ZFHX4: variants seen among roughly 807,000 people sequenced by gnomAD.
ZFHX4 encodes the protein zinc finger homeobox 4.
ZFHX4 carries 56 observed loss-of-function variants against 267.6 expected under a neutral mutation model. That is an observed-to-expected ratio of 0.21 (90% CI 0.17 to 0.26). The LOEUF is 0.26. ZFHX4 is among the 10% of genes least tolerant of loss of function. The pLI is 1.00. For synonymous variants in ZFHX4, 1,778 were observed against 1,665.6 expected, an observed-to-expected ratio of 1.07 and a Z score of -1.64; for missense variants, 4,332 against 4,420.0, an observed-to-expected ratio of 0.98 and a Z score of 0.56.
chr8:76,804,692 AAATT>A (rs1811202606), intron 4 of ZFHX4, among the ~76,000 whole-genome samples: 2 of 151,746 alleles, frequency 1.3e-5, no homozygotes, highest in Admixed American at 6.6e-5. Context: ...TGGAAGAGAG[AAATT>A]AATTAATTAT....
chr8:76,855,419 T>C lies in ZFHX4; in HGVS notation c.8498T>C (p.Val2833Ala), dbSNP rs1211667506. ...MESTTGSSGD[V>A]KPALSPKEPK... Reference sequence around the variant, plus strand: ...AGCACCACAGGAAGTTCCGGAGATGTGAAACCGGCTTTGTCTCCCAAAGAG... The same window carrying C: ...AGCACCACAGGAAGTTCCGGAGATGCGAAACCGGCTTTGTCTCCCAAAGAG... Residue 2833 changes from valine (V) to alanine (A), a missense_variant, in exon 10 of 11, where the codon GTG (valine) becomes GCG (alanine). Around this residue, in one of 7 missense-constraint regions of ZFHX4, gnomAD observed 1,648 missense variants for 1,625.0 expected, o/e 1.01. Coordinates refer to ENST00000651372, the MANE Select transcript of ZFHX4 (RefSeq NM_024721.5). 1 of 1,613,148 alleles carries C rather than the reference T, an allele frequency of 6.2e-7. No individual in the cohort carries two copies. The highest frequency in any genetic ancestry group is 1.7e-5 in the Admixed American group (1 of 59,888).
chr8:76,831,823 C>T (rs537667563), intron 4 of ZFHX4, among the ~76,000 whole-genome samples: 5 of 152,084 alleles, frequency 3.3e-5, no homozygotes, highest in East Asian at 1.9e-4. Flanking sequence ...AAAAGAACCA[C>T]GTTAATCAAG....
At chr8:76,803,279 T>C (rs1369683397) in intron 4 of ZFHX4, among the ~76,000 whole-genome samples, 1 of 151,936 alleles carries the variant, frequency 6.6e-6, no homozygotes, top group Non-Finnish European at 1.5e-5. Context: ...TGTGTGTGTG[T>C]GTGTGGTATG....
chr8:76,854,612 G>C lies in ZFHX4; in HGVS notation c.7691G>C (p.Ser2564Thr), dbSNP rs775197686. 4 of 1,613,720 alleles carry C rather than the reference G, an allele frequency of 2.5e-6. No homozygotes were observed. In the Admixed American group the frequency reaches 5.0e-5, roughly 20 times the overall value. ...SSLTQMPPQASSSHTTAPTTV... is the reference protein window; with the variant it reads ...SSLTQMPPQATSSHTTAPTTV... ...CTCACTCAAATGCCCCCTCAGGCCA[G>C]TTCCTCCCACACCACAGCCCCCACA... The change falls in exon 10 of 11, where the codon AGT becomes ACT. Residue 2564 changes from serine (S) to threonine (T), a missense_variant. Ser to Thr is a moderately conservative substitution (Grantham distance 58). Coordinates refer to ENST00000651372, the MANE Select transcript of ZFHX4 (RefSeq NM_024721.5).
rs1812565559 is a variant in ZFHX4, at chr8:76,852,618, A to G, written c.5697A>G (p.Arg1899=). Residue 1899 remains arginine (R), a synonymous_variant, in exon 10 of 11, where the codon CGA becomes CGG. Coordinates refer to ENST00000651372, the MANE Select transcript of ZFHX4 (RefSeq NM_024721.5). ...TGGAACCATCCATCCCACCACCCCG[A>G]ATAGCTTCAGGGGCCAGAGGAAATG... The part of the protein sequence containing the change: ...KSLEPSIPPP[R]IASGARGNAA... 2.5e-6 allele frequency: 4 copies of G among 1,612,670 alleles called. No individual in the cohort carries two copies. In the African/African-American group the frequency reaches 5.3e-5, roughly 22 times the overall value.
chr8:76,756,230 A>G (rs920971231), intron 3 of ZFHX4, among the ~76,000 whole-genome samples: 11 of 152,148 alleles, frequency 7.2e-5, no homozygotes, highest in African/African-American at 2.4e-4. Context: ...ATCCAAGAGA[A>G]ATTAATTGTT....
chr8:76,790,167 T>C (rs1810797240), intron 4 of ZFHX4, among the ~76,000 whole-genome samples: 1 of 152,164 alleles, frequency 6.6e-6, no homozygotes, highest in Non-Finnish European at 1.5e-5. Flanking sequence ...CACTTTCCTA[T>C]ATACATGGTC....
chr8:76,761,914 G>C (rs548442374), intron 3 of ZFHX4, among the ~76,000 whole-genome samples: 25 of 152,302 alleles, frequency 1.6e-4, no homozygotes, highest in Admixed American at 3.3e-4. Flanking sequence ...GGGTTGTCTT[G>C]TTTGGGCTGC....
intron 10 of ZFHX4, among the ~76,000 whole-genome samples, chr8:76,862,893 A>G (rs1312297374): frequency 6.6e-6 from 1 of 152,162 alleles, no homozygotes; most frequent in African/African-American, 2.4e-5. Context: ...GTGGGGGTTA[A>G]AACTAATATA....
intron 4 of ZFHX4, among the ~76,000 whole-genome samples, chr8:76,809,600 C>T (rs1445575215): frequency 1.3e-5 from 2 of 152,046 alleles, no homozygotes; most frequent in African/African-American, 2.4e-5. Context: ...ACTGTAGAAC[C>T]ATTATCAGTA....
intron 3 of ZFHX4, among the ~76,000 whole-genome samples, chr8:76,742,958 G>C (rs1809359820): frequency 1.5e-5 from 2 of 131,510 alleles, no homozygotes; most frequent in South Asian, 4.3e-4. Context: ...AGCTCAGCTT[G>C]TGAGAAAACA....
At chr8:76,718,964 CACACAT>C (rs1229824608) in intron 3 of ZFHX4, among the ~76,000 whole-genome samples, 3 of 151,412 alleles carry the variant, frequency 2.0e-5, no homozygotes, top group Admixed American at 6.6e-5. Context: ...CACACACACA[CACACAT>C]GCTTTTCCAA....
At chr8:76,713,270 G>GAGATAGAA (rs1444097906) in intron 3 of ZFHX4, among the ~76,000 whole-genome samples, 2 of 130,778 alleles carry the variant, frequency 1.5e-5, no homozygotes, top group African/African-American at 6.5e-5. Flanking sequence ...AAAGGATAGA[G>GAGATAGAA]AGATAGATAG....
intron 4 of ZFHX4, among the ~76,000 whole-genome samples, chr8:76,806,552 G>C (rs1811250501): frequency 6.6e-6 from 1 of 152,168 alleles, no homozygotes; most frequent in Admixed American, 6.6e-5. Context: ...CATTAGTTAG[G>C]TCCAATGAAC....
At chr8:76,803,285 G>C (rs930208024) in intron 4 of ZFHX4, among the ~76,000 whole-genome samples, 7 of 151,084 alleles carry the variant, frequency 4.6e-5, no homozygotes, top group Admixed American at 2.0e-4. Flanking sequence ...TGTGTGTGTG[G>C]TATGACCGAA....
chr8:76,850,307 A>G lies in ZFHX4; in HGVS notation c.3909A>G (p.Lys1303=), dbSNP rs1431489483. Residue 1303 remains lysine, a synonymous_variant, in exon 9 of 11, where the codon AAA becomes AAG. Transcript: ENST00000651372. ...TACTGCCAGCAGCTGCCTCTGAGAA[A>G]TCAGAGCGGGACACACCTGCAGCCG... ...SMLLPAAASE[K]SERDTPAAVT... 8 of 1,613,196 alleles carry G rather than the reference A, an allele frequency of 5.0e-6. No homozygotes were observed. Among genetic ancestry groups the G allele is most frequent in the Non-Finnish European group, 6.8e-6 (8 of 1,179,690 alleles).
Position 76,705,505 on chromosome 8 carries a change from G to C in ZFHX4, c.1417G>C (p.Asp473His). Reference sequence around the variant, plus strand: ...TGAACCCACTGAACCGGGAGATGAGGATGAAGAAGATGCGTACTCCAATGA... The same window carrying C: ...TGAACCCACTGAACCGGGAGATGAGCATGAAGAAGATGCGTACTCCAATGA... ...KSEPTEPGDEDEEDAYSNELD... is the reference protein window; with the variant it reads ...KSEPTEPGDEHEEDAYSNELD... The change falls in exon 2 of 11, where the codon GAT becomes CAT. Residue 473 changes from aspartate (D) to histidine (H), a missense_variant. This residue lies in a region of ZFHX4 where 1,195 missense variants were observed against 1,173.6 expected (regional missense o/e 1.02). Transcript: ENST00000651372. The C allele has an allele frequency of 6.2e-7, 1 of 1,613,714 alleles. No homozygotes were observed. The highest frequency in any genetic ancestry group is 8.5e-7 in the Non-Finnish European group (1 of 1,179,754).
chr8:76,863,081 T>C lies in ZFHX4; in HGVS notation c.9380-13T>C. 6.7e-7 allele frequency: 1 copy of C among 1,494,912 alleles called. No individual in the cohort carries two copies. The highest frequency in any genetic ancestry group is 8.9e-7 in the Non-Finnish European group (1 of 1,121,492). 92.6% of individuals were successfully genotyped at this position (1,494,912 alleles called of 1,614,324 possible). On this transcript the variant is annotated splice_polypyrimidine_tract_variant and intron_variant, in intron 10 of 10. Coordinates refer to ENST00000651372, the MANE Select transcript of ZFHX4 (RefSeq NM_024721.5). The stretch of plus-strand genomic sequence containing the variant: ...TACATTGACAGTGGCCATCTCTCTG[T>C]TGTTGTTTTCAGCTTTAACACCTCC...
chr8:76,717,506 T>C (rs1808608182), intron 3 of ZFHX4, among the ~76,000 whole-genome samples: 1 of 152,240 alleles, frequency 6.6e-6, no homozygotes, highest in South Asian at 2.1e-4. Flanking sequence ...AAAGTAAGAA[T>C]AGTTGTAGCT....
Sources: allele counts gnomAD v4.1 joint callset (sites outside exome capture counted in the v4.1 genomes callset), GRCh38; gene constraint gnomAD v4.1.1; regional missense constraint gnomAD v4.1.1; transcripts MANE v1.5; gene names NCBI Gene and HGNC (gene_info 2026-07-23, HGNC 2026-07-21).